WDPCP: variants seen among roughly 807,000 people sequenced by gnomAD.
The protein encoded by WDPCP is WD repeat-containing and planar cell polarity effector protein fritz homolog.
Under a neutral mutation model 93.1 loss-of-function variants are expected in WDPCP, and 71 were observed. That is an observed-to-expected ratio of 0.76 (90% CI 0.63 to 0.93). The LOEUF is 0.93. WDPCP is among the 40% of genes least tolerant of loss of function. WDPCP has a pLI of 0.00. For synonymous variants in WDPCP, 315 were observed against 315.0 expected (o/e 1.00, Z 0.00); for missense variants, 844 against 887.4 (o/e 0.95, Z 0.62).
intron 13 of WDPCP, among the ~76,000 whole-genome samples, chr2:63,293,954 A>T (rs993088066): frequency 6.6e-6 from 1 of 152,232 alleles, no homozygotes; most frequent in Non-Finnish European, 1.5e-5. Context: ...AAAAGAAATA[A>T]TGGCTAAAAA....
At chr2:63,635,580 C>T (rs1372142216) in intron 3 of WDPCP, among the ~76,000 whole-genome samples, 1 of 152,070 alleles carries the variant, frequency 6.6e-6, no homozygotes, top group Non-Finnish European at 1.5e-5. Context: ...GATGATACAC[C>T]AGATTAACAG....
chr2:63,714,419 C>T (rs1669305959), intron 2 of WDPCP, among the ~76,000 whole-genome samples: 1 of 152,062 alleles, frequency 6.6e-6, no homozygotes, highest in Non-Finnish European at 1.5e-5. Flanking sequence ...CTATACCTCC[C>T]TTATAAGATA....
intron 13 of WDPCP, among the ~76,000 whole-genome samples, chr2:63,270,945 A>G (rs1430033503): frequency 6.6e-6 from 1 of 152,158 alleles, no homozygotes; most frequent in Non-Finnish European, 1.5e-5. Flanking sequence ...ACAAGAAATG[A>G]TATGCTTCTC....
At chr2:63,697,223 T>G (rs1668973461) in intron 2 of WDPCP, among the ~76,000 whole-genome samples, 1 of 152,112 alleles carries the variant, frequency 6.6e-6, no homozygotes, top group South Asian at 2.1e-4. Flanking sequence ...ACTTGGCAAA[T>G]GTTGACTCAC....
intron 2 of WDPCP, among the ~76,000 whole-genome samples, chr2:63,755,547 A>C (rs550720932): frequency 1.2e-3 from 177 of 152,318 alleles, no homozygotes; most frequent in Non-Finnish European, 1.9e-3. Context: ...AATAACAACA[A>C]AAGTTGACGT....
intron 2 of WDPCP, among the ~76,000 whole-genome samples, chr2:63,786,662 T>G (rs1359503805): frequency 2.6e-5 from 4 of 152,206 alleles, no homozygotes; most frequent in Non-Finnish European, 5.9e-5. Context: ...CACGGCCACA[T>G]CTGAGACACT....
intron 2 of WDPCP, among the ~76,000 whole-genome samples, chr2:63,762,525 A>G (rs1670070978): frequency 6.6e-6 from 1 of 152,164 alleles, no homozygotes; most frequent in Admixed American, 6.5e-5. Flanking sequence ...GAAACTGGGT[A>G]ATTTATAAGA....
chr2:63,609,471 G>T (rs554473683), intron 3 of WDPCP, among the ~76,000 whole-genome samples: 25 of 152,236 alleles, frequency 1.6e-4, no homozygotes, highest in Non-Finnish European at 3.4e-4. Context: ...CTTCCTGTTG[G>T]TTTCCTCTAT....
At chr2:63,834,392 CTCTG>C in the WDPCP span, among the ~76,000 whole-genome samples, 2 of 152,180 alleles carry the variant, frequency 1.3e-5, no homozygotes, top group Non-Finnish European at 2.9e-5. Context: ...TGAGAATGGC[CTCTG>C]TCTTTCTCCT....
rs1670418783 is a variant in WDPCP at position 63,783,107 on chromosome 2, A to G, written n.308+30515T>C. Among the ~76,000 whole-genome samples, 5 of 152,072 alleles carry G rather than the reference A, an allele frequency of 3.3e-5. 1 individual carries two copies. The South Asian group carries it at 1.0e-3, about 31-fold the overall frequency. ...CTGGGTATCTACTCAAAGAAAAAGA[A>G]ATAATTACATCAAAAAGATACCTGG... On this transcript the variant is annotated intron_variant and non_coding_transcript_variant, in intron 2 of 4. Transcript: ENST00000467687.
intron 13 of WDPCP, among the ~76,000 whole-genome samples, chr2:63,301,462 A>G (rs1030274424): frequency 2.0e-5 from 3 of 152,216 alleles, no homozygotes; most frequent in Admixed American, 6.5e-5. Flanking sequence ...AGTTCAATCT[A>G]GCATACCCCC....
At chr2:63,262,048 A>G (rs1681674874) in intron 13 of WDPCP, among the ~76,000 whole-genome samples, 1 of 152,140 alleles carries the variant, frequency 6.6e-6, no homozygotes, top group Non-Finnish European at 1.5e-5. Flanking sequence ...AGAATTTGGT[A>G]AGTTGAAAAT....
At chr2:63,346,020 T>C (rs1037918519) in intron 12 of WDPCP, among the ~76,000 whole-genome samples, 7 of 152,070 alleles carry the variant, frequency 4.6e-5, no homozygotes, top group Non-Finnish European at 1.0e-4. Flanking sequence ...GGAGCACCTC[T>C]CGGATTGGAT....
At chr2:63,736,243 CT>C (rs570440933) in intron 2 of WDPCP, among the ~76,000 whole-genome samples, 87 of 152,282 alleles carry the variant, frequency 5.7e-4, no homozygotes, top group Admixed American at 1.8e-3. Context: ...TAAAGTGACT[CT>C]TTTAGTTCAC....
chr2:63,517,627 T>C (rs1279752257), intron 1 of WDPCP, among the ~76,000 whole-genome samples: 3 of 152,176 alleles, frequency 2.0e-5, no homozygotes, highest in African/African-American at 7.2e-5. Flanking sequence ...ACCACTAATA[T>C]GAATAGTTCC....
intron 6 of WDPCP, among the ~76,000 whole-genome samples, chr2:63,471,333 A>T (rs1699677834): frequency 6.6e-6 from 1 of 152,244 alleles, no homozygotes; most frequent in African/African-American, 2.4e-5. Context: ...AAGAAGGCGA[A>T]GAGCAGAAGC....
chr2:63,288,929 G>C (rs1421760641), intron 13 of WDPCP, among the ~76,000 whole-genome samples: 1 of 151,948 alleles, frequency 6.6e-6, no homozygotes, highest in East Asian at 1.9e-4. Flanking sequence ...CCCATGACTA[G>C]ATTTGGGTTA....
At chr2:63,213,465 T>C (rs1677020182) in intron 14 of WDPCP, among the ~76,000 whole-genome samples, 1 of 152,164 alleles carries the variant, frequency 6.6e-6, no homozygotes. Context: ...CTGGGACACA[T>C]TTAAAGCAGT....
At chr2:63,483,687 T>C (rs1399815618) in intron 6 of WDPCP, among the ~76,000 whole-genome samples, 2 of 151,956 alleles carry the variant, frequency 1.3e-5, no homozygotes, top group African/African-American at 2.4e-5. Context: ...ATAAATCACA[T>C]TGTAAAAAAG....
Sources: gnomAD v4.1 joint callset for allele counts (sites outside exome capture counted in the v4.1 genomes callset) on GRCh38, gnomAD v4.1.1 for gene constraint, MANE v1.5 for transcripts, NCBI Gene and HGNC (gene_info 2026-07-23, HGNC 2026-07-21) for gene names.